Variants in SLC25A43 observed in about 807,000 individuals in gnomAD.
The protein encoded by SLC25A43 is solute carrier family 25, member 43.
SLC25A43 carries 10 observed loss-of-function variants against 22.8 expected under a neutral mutation model. The ratio of observed to expected loss-of-function variants is 0.44; its 90% CI spans 0.27 to 0.74. The LOEUF is 0.74. SLC25A43 is among the 30% of genes least tolerant of loss of function. The pLI, the probability that SLC25A43 is intolerant of heterozygous loss-of-function variation, is 0.17. For synonymous variants in SLC25A43, 106 were observed against 121.6 expected (o/e 0.87, Z 0.84); for missense variants, 233 against 279.1 (o/e 0.83, Z 1.18).
intron 3 of SLC25A43, among the ~76,000 whole-genome samples, chrX:119,449,733 AAAAG>A (rs1021750498): frequency 3.6e-5 from 4 of 110,577 alleles, no homozygotes; most frequent in Admixed American, 9.7e-5. Flanking sequence ...CTGTCTCAAA[AAAAG>A]AAAGAAAAGA....
rs750552122 is a variant in SLC25A43 at position 119,420,133 on chromosome X, G to GT, written c.690+9775dup. 4.5e-5 allele frequency among the ~76,000 whole-genome samples: 5 copies of GT among 111,331 alleles called. No homozygotes were observed. The East Asian group carries it at 1.1e-3, about 25-fold the overall frequency. On this transcript the variant is annotated intron_variant, in intron 3 of 4. Transcript: ENST00000217909. ...GATGAGAAAACTGAGGCACCGAAAGGTTTTGTAGCCTGCAAGTTCACCCAT... is the reference window on the plus strand; with the variant it reads ...GATGAGAAAACTGAGGCACCGAAAGGTTTTTGTAGCCTGCAAGTTCACCCAT...
intron 2 of SLC25A43, among the ~76,000 whole-genome samples, chrX:119,407,171 G>A (rs2052305955): frequency 8.9e-6 from 1 of 111,867 alleles, no homozygotes; most frequent in African/African-American, 3.3e-5. Context: ...CCCTTCTTCT[G>A]GAAACTTGGC....
intron 3 of SLC25A43, among the ~76,000 whole-genome samples, chrX:119,449,716 C>T (rs1384146342): frequency 9.1e-6 from 1 of 110,328 alleles, no homozygotes; most frequent in African/African-American, 3.3e-5. Flanking sequence ...GGTAACAGAG[C>T]GAGACTCTGT....
chrX:119,409,912 A>G (rs758889861), intron 2 of SLC25A43, among the ~76,000 whole-genome samples: 29 of 112,580 alleles, frequency 2.6e-4, no homozygotes, highest in Admixed American at 2.2e-3. Flanking sequence ...CACCACGCCC[A>G]GCCGTATGGT....
intron 2 of SLC25A43, among the ~76,000 whole-genome samples, chrX:119,408,033 T>C (rs1374881651): frequency 9.0e-6 from 1 of 110,893 alleles, no homozygotes. Flanking sequence ...CCGGCTGAGG[T>C]GATCTCTCCA....
At chrX:119,421,808 A>G (rs2052455138) in intron 3 of SLC25A43, among the ~76,000 whole-genome samples, 1 of 112,174 alleles carries the variant, frequency 8.9e-6, no homozygotes, top group Non-Finnish European at 1.9e-5. Context: ...GAGTTAACTA[A>G]CAATCTACTC....
At chrX:119,399,740 G>T in intron 1 of SLC25A43, 62 bp downstream of exon 1, 2 of 972,837 alleles carry the variant, frequency 2.1e-6, no homozygotes, top group South Asian at 3.5e-5. Flanking sequence ...GGGGAGCCGC[G>T]GCCCGACGCC....
chrX:119,399,838 A>G (rs1312875289), intron 1 of SLC25A43, among the ~76,000 whole-genome samples, 160 bp downstream of exon 1: 9 of 112,607 alleles, frequency 8.0e-5, no homozygotes, highest in African/African-American at 2.9e-4. Flanking sequence ...GGCCACCTCT[A>G]TGGCCCCCAG....
chrX:119,422,745 A>C (rs1349388109), intron 3 of SLC25A43, among the ~76,000 whole-genome samples: 1 of 111,567 alleles, frequency 9.0e-6, no homozygotes, highest in Admixed American at 9.6e-5. Flanking sequence ...CCTGTCTAAA[A>C]CTGTCTATGC....
Position 119,421,874 on chromosome X carries a change from A to T in SLC25A43, c.690+11512A>T, listed in dbSNP as rs544239706. 1.1e-3 allele frequency among the ~76,000 whole-genome samples: 121 copies of T among 111,483 alleles called. 1 individual carries two copies. The South Asian group carries it at 0.043, about 39-fold the overall frequency. The stretch of plus-strand genomic sequence containing the variant: ...TGTCCCCCACCCAACCCCCAAGGGC[A>T]TAGTTATTTTGTTCTAAGAGCTTTG... On this transcript the variant is annotated intron_variant, in intron 3 of 4. Coordinates refer to ENST00000217909, the MANE Select transcript of SLC25A43 (RefSeq NM_145305.3).
chrX:119,437,053 A>C (rs2052609313), intron 3 of SLC25A43, among the ~76,000 whole-genome samples: 1 of 20,125 alleles, frequency 5.0e-5, no homozygotes, highest in Non-Finnish European at 8.9e-5. Context: ...TCTGTAAATT[A>C]CCTTGGGCAG....
At chrX:119,430,723 T>C (rs1394549270) in intron 3 of SLC25A43, among the ~76,000 whole-genome samples, 1 of 112,206 alleles carries the variant, frequency 8.9e-6, no homozygotes, top group Non-Finnish European at 1.9e-5. Flanking sequence ...CACTGAGGGT[T>C]TTTAAAAGCT....
At position 119,431,883 on chromosome X, in the gene SLC25A43, G is replaced by A. The variant is rs1603297937; in HGVS notation, c.691-20126G>A. 2.7e-5 allele frequency among the ~76,000 whole-genome samples: 3 copies of A among 111,397 alleles called. No homozygotes were observed. The South Asian group carries it at 1.1e-3, about 42-fold the overall frequency. On this transcript the variant is annotated intron_variant, in intron 3 of 4. Coordinates refer to ENST00000217909, the MANE Select transcript of SLC25A43 (RefSeq NM_145305.3). The stretch of plus-strand genomic sequence containing the variant: ...GAGAAGCTAAGGGAGGCCAGGGGCG[G>A]TGGCTCATGCTTGTAATTCCAGCGC...
intron 3 of SLC25A43, 55 bp downstream of exon 3, chrX:119,410,417 C>A (rs2052339827): frequency 5.3e-6 from 6 of 1,141,211 alleles, no homozygotes; most frequent in Non-Finnish European, 7.1e-6. Context: ...TGTTTGTGGT[C>A]GGGTAATAAC....
At chrX:119,409,215 CT>C (rs1284017472) in intron 2 of SLC25A43, among the ~76,000 whole-genome samples, 1 of 108,985 alleles carries the variant, frequency 9.2e-6, no homozygotes, top group Non-Finnish European at 1.9e-5. Context: ...GAATCTTGCT[CT>C]GTCACCCAGG....
chrX:119,449,902 G>A (rs1291484671), intron 3 of SLC25A43, among the ~76,000 whole-genome samples: 4 of 111,532 alleles, frequency 3.6e-5, no homozygotes, highest in Admixed American at 1.9e-4. Flanking sequence ...AGTAAGGGTG[G>A]GCGAAATGAA....
At chrX:119,413,345 T>C (rs762828890) in intron 3 of SLC25A43, among the ~76,000 whole-genome samples, 1 of 111,344 alleles carries the variant, frequency 9.0e-6, no homozygotes. Context: ...ATAAACACAC[T>C]CACACACATA....
intron 3 of SLC25A43, chrX:119,434,554 A>G (rs1422685644): frequency 9.2e-6 from 1 of 108,239 alleles, no homozygotes; most frequent in African/African-American, 3.4e-5. Context: ...GGTCCCAGCT[A>G]CTAGGAAGGC....
chrX:119,449,427 A>AG lies in SLC25A43; in HGVS notation c.691-2582_691-2581insG, dbSNP rs1258272631. Among the ~76,000 whole-genome samples the AG allele has an allele frequency of 3.9e-4, 42 of 107,220 alleles. No homozygotes were observed. In the Middle Eastern group the frequency reaches 0.024, roughly 60 times the overall value. The allele number at this position is 107,220 out of a possible 115,157, so 93.1% of individuals were successfully genotyped here. A position where few individuals can be genotyped will look rare whatever the true frequency, so the allele number is the denominator to read the frequency against. On this transcript the variant is annotated intron_variant, in intron 3 of 4. Coordinates refer to ENST00000217909, the MANE Select transcript of SLC25A43 (RefSeq NM_145305.3). Reference sequence around the variant, plus strand: ...AGACTCTGTCTCAAAAAAAAAAAAAAAAGAAGAAGAATGAATTGGAGGCTG... The same window carrying AG: ...AGACTCTGTCTCAAAAAAAAAAAAAAGAAGAAGAAGAATGAATTGGAGGCTG...
Sources: gnomAD v4.1 joint callset for allele counts (sites outside exome capture counted in the v4.1 genomes callset) on GRCh38, gnomAD v4.1.1 for gene constraint, MANE v1.5 for transcripts, NCBI Gene and HGNC (gene_info 2026-07-23, HGNC 2026-07-21) for gene names.